SNX30: variants seen among roughly 807,000 people sequenced by gnomAD.
SNX30 encodes the protein sorting nexin family member 30.
A neutral mutation model predicts 46.4 loss-of-function variants in SNX30; 24 were observed. That is an observed-to-expected ratio of 0.52 (90% CI 0.37 to 0.73). SNX30 has a LOEUF of 0.73. Ranked by LOEUF, SNX30 falls within the 30% of genes least tolerant of loss-of-function variation. SNX30 has a pLI of 0.00. For synonymous variants in SNX30, 189 were observed against 211.5 expected (o/e 0.89, Z 0.92); for missense variants, 533 against 555.7 (o/e 0.96, Z 0.41).
chr9:112,814,183 G>A (rs936345020), intron 2 of SNX30, among the ~76,000 whole-genome samples: 5 of 152,190 alleles, frequency 3.3e-5, no homozygotes, highest in Admixed American at 2.6e-4. Context: ...AATTATGATA[G>A]GCAAATGGTA....
intron 1 of SNX30, among the ~76,000 whole-genome samples, chr9:112,754,406 C>CT (rs755479504): frequency 0.092 from 10,405 of 113,032 alleles, 1,156 homozygotes; most frequent in African/African-American, 0.21. Context: ...CTCACTGGGC[C>CT]TTTTTTTTTT....
At chr9:112,860,147 C>T (rs772597383) in intron 7 of SNX30, among the ~76,000 whole-genome samples, 12 of 151,952 alleles carry the variant, frequency 7.9e-5, no homozygotes, top group Non-Finnish European at 1.2e-4. Context: ...AGGGTTTCAC[C>T]GTGTTGGCCA....
rs757135420 is a variant in SNX30, at chr9:112,853,120, T to G, written c.1101+2175T>G. Among the ~76,000 whole-genome samples the G allele has an allele frequency of 4.1e-4, 63 of 152,256 alleles. No homozygotes were observed. In the Middle Eastern group the frequency reaches 0.014, roughly 33 times the overall value. On this transcript the variant is annotated intron_variant, in intron 7 of 8. Transcript: ENST00000374232. ...CTCTTTGATGCCGAGTGGCTCTCCA[T>G]CCTGTGCATGTTTGTTGTGTTGATT... is the stretch of plus-strand genomic sequence containing the variant.
At chr9:112,817,882 T>A in intron 3 of SNX30, 67 bp downstream of exon 3, 1 of 987,680 alleles carries the variant, frequency 1.0e-6, no homozygotes, top group Non-Finnish European at 1.6e-6. Context: ...AGGGGTTCAC[T>A]CAACTCTCAT....
At chr9:112,867,388 T>C (rs1841376598) in intron 8 of SNX30, among the ~76,000 whole-genome samples, 1 of 146,472 alleles carries the variant, frequency 6.8e-6, no homozygotes. Context: ...TCAGAACTCT[T>C]CCCACCTCCT....
Position 112,868,915 on chromosome 9 carries a change from T to C in SNX30, c.*72T>C. 2 of 1,440,000 alleles carry C rather than the reference T, an allele frequency of 1.4e-6. No individual in the cohort carries two copies. Among genetic ancestry groups the C allele is most frequent in the Admixed American group, 1.7e-5 (1 of 59,618 alleles). 89.2% of individuals were successfully genotyped at this position (1,440,000 alleles called of 1,614,324 possible). A position where few individuals can be genotyped will look rare whatever the true frequency, so the allele number is the denominator to read the frequency against. On this transcript the variant is annotated 3_prime_UTR_variant, in exon 9 of 9. Transcript: ENST00000374232. Reference sequence around the variant, plus strand: ...ACCCTATACCGGAATGTCCCTGCAGTGCCAGAGACGCAGTGCTGGGAAAAC... The same window carrying C: ...ACCCTATACCGGAATGTCCCTGCAGCGCCAGAGACGCAGTGCTGGGAAAAC...
intron 1 of SNX30, among the ~76,000 whole-genome samples, chr9:112,794,417 C>G: frequency 6.6e-6 from 1 of 152,320 alleles, no homozygotes; most frequent in Admixed American, 6.5e-5. Flanking sequence ...TCCCAAAGTG[C>G]TGGGATTACA....
chr9:112,767,752 G>A (rs576996318), intron 1 of SNX30, among the ~76,000 whole-genome samples: 26 of 152,040 alleles, frequency 1.7e-4, no homozygotes, highest in African/African-American at 5.8e-4. Context: ...ACCATGTCCA[G>A]CTAATTTTTT....
rs558278213 is a variant in SNX30, at chr9:112,768,262, C to T, written c.156+17105C>T. Among the ~76,000 whole-genome samples, 122 of 152,308 alleles carry T rather than the reference C, an allele frequency of 8.0e-4. 1 individual carries two copies. The highest frequency in any genetic ancestry group is 2.7e-3 in the African/African-American group (113 of 41,562). On this transcript the variant is annotated intron_variant, in intron 1 of 8. Transcript: ENST00000374232. ...TCATGCGAATTCTTGCTTTCCCACC[C>T]GTGCTAAGCTCATCCTCCTCTCGAT...
At chr9:112,827,664 G>A (rs185586332) in intron 3 of SNX30, among the ~76,000 whole-genome samples, 2 of 152,202 alleles carry the variant, frequency 1.3e-5, no homozygotes, top group African/African-American at 4.8e-5. Flanking sequence ...TTGTTGCTAT[G>A]TCTTATTTCT....
chr9:112,850,697 C>T (rs1240823282), intron 6 of SNX30, among the ~76,000 whole-genome samples, 162 bp from the exon 7 acceptor site: 1 of 152,214 alleles, frequency 6.6e-6, no homozygotes, highest in Non-Finnish European at 1.5e-5. Context: ...CTCCTGCTTC[C>T]TCCAGAGTTT....
intron 4 of SNX30, among the ~76,000 whole-genome samples, chr9:112,831,139 TAAAAAAA>T (rs77607146): frequency 1.7e-5 from 2 of 119,148 alleles, no homozygotes; most frequent in Non-Finnish European, 3.6e-5. Context: ...CCTATCTCTT[TAAAAAAA>T]AAAAAAAAAA....
intron 1 of SNX30, among the ~76,000 whole-genome samples, chr9:112,804,318 C>A (rs1255619528): frequency 6.6e-6 from 1 of 152,218 alleles, no homozygotes; most frequent in Non-Finnish European, 1.5e-5. Flanking sequence ...GCATGCACCA[C>A]CATGTCCAGC....
chr9:112,836,373 G>A lies in SNX30; in HGVS notation c.778G>A (p.Asp260Asn), dbSNP rs1840751673. The A allele has an allele frequency of 6.2e-7, 1 of 1,606,134 alleles. No homozygotes were observed. The highest frequency in any genetic ancestry group is 1.1e-5 in the South Asian group (1 of 90,914). Reference sequence around the variant, plus strand: ...ATTTGCACTCAAACTGGGAACCATTGATCGAATAGCCCAGCGGATCATCAA... The same window carrying A: ...ATTTGCACTCAAACTGGGAACCATTAATCGAATAGCCCAGCGGATCATCAA... ...DTFALKLGTI[D>N]RIAQRIIKEE... The change falls in exon 5 of 9, where the codon GAT (aspartate) becomes AAT (asparagine). Residue 260 changes from aspartate (D) to asparagine (N), a missense_variant. Physicochemically the swap from Asp to Asn is conservative, Grantham distance 23. Transcript: ENST00000374232.
chr9:112,834,181 T>C (rs1840713130), intron 4 of SNX30, among the ~76,000 whole-genome samples: 1 of 146,578 alleles, frequency 6.8e-6, no homozygotes, highest in Non-Finnish European at 1.5e-5. Flanking sequence ...GGGGGCGAGA[T>C]TTTCCCCAAA....
chr9:112,766,375 G>C (rs1218752289), intron 1 of SNX30, among the ~76,000 whole-genome samples: 1 of 151,668 alleles, frequency 6.6e-6, no homozygotes. Flanking sequence ...CCAAAGAAAA[G>C]ACATTAAATA....
intron 6 of SNX30, among the ~76,000 whole-genome samples, chr9:112,843,626 C>CTTT (rs35950913): frequency 0.17 from 17,464 of 105,154 alleles, 2,162 homozygotes; most frequent in Admixed American, 0.22. Flanking sequence ...CCTGCAGTAG[C>CTTT]TTTTTTTTTT....
At chr9:112,793,808 T>G (rs1048232837) in intron 1 of SNX30, among the ~76,000 whole-genome samples, 18 of 151,622 alleles carry the variant, frequency 1.2e-4, no homozygotes, top group Non-Finnish European at 2.5e-4. Context: ...TTTTTTGTTT[T>G]TTTTTTTTTC....
intron 1 of SNX30, among the ~76,000 whole-genome samples, chr9:112,761,487 A>T (rs1056066275): frequency 1.4e-4 from 22 of 152,024 alleles, no homozygotes; most frequent in Non-Finnish European, 2.9e-4. Context: ...GAGCAGGGGG[A>T]TGTGTGATCA....
Sources: gnomAD v4.1 joint callset for allele counts (sites outside exome capture counted in the v4.1 genomes callset) on GRCh38, gnomAD v4.1.1 for gene constraint, MANE v1.5 for transcripts, NCBI Gene and HGNC (gene_info 2026-07-23, HGNC 2026-07-21) for gene names.